The following TRIM25 variants were observed in gnomAD, a reference collection of about 807,000 sequenced individuals.
TRIM25 encodes E3 ubiquitin/ISG15 ligase TRIM25.
In TRIM25, 45 loss-of-function variants were observed where a neutral mutation model predicts 65.2. The ratio of observed to expected loss-of-function variants is 0.69; its 90% confidence interval spans 0.54 to 0.89. The LOEUF is 0.89. Among genes scored for constraint, TRIM25 ranks in the 40% least tolerant of loss-of-function variants. The pLI, the probability that TRIM25 is intolerant of heterozygous loss-of-function variation, is 0.00. For synonymous variants in TRIM25, 321 were observed against 340.4 expected (o/e 0.94, Z 0.63); for missense variants, 714 against 803.7 (o/e 0.89, Z 1.35).
intron 6 of TRIM25, 159 bp downstream of exon 6, chr17:56,895,767 G>C (rs1909280272): frequency 8.5e-7 from 1 of 1,180,988 alleles, no homozygotes; most frequent in Non-Finnish European, 1.2e-6. Flanking sequence ...ACTTATGCTT[G>C]TCCTCCCCTC....
chr17:56,890,630 T>C lies in TRIM25; in HGVS notation c.*1070A>G, dbSNP rs1051159759. ...GCAGCCGCATAGCCTGTCTGCATGA[T>C]AGCAGGCTTCAGGGATCCAGCTTAG... On this transcript the variant is annotated 3_prime_UTR_variant, in exon 9 of 9. Transcript: ENST00000316881. 5 of 456,558 alleles carry C rather than the reference T, an allele frequency of 1.1e-5. No individual in the cohort carries two copies. Among genetic ancestry groups the C allele is most frequent in the African/African-American group, 8.0e-5 (4 of 50,072 alleles). 28.3% of individuals were successfully genotyped at this position (456,558 alleles called of 1,614,324 possible). A position where few individuals can be genotyped will look rare whatever the true frequency, so the allele number is the denominator to read the frequency against.
intron 1 of TRIM25, among the ~76,000 whole-genome samples, chr17:56,910,940 T>C (rs1317250596): frequency 6.6e-6 from 1 of 152,130 alleles, no homozygotes; most frequent in East Asian, 1.9e-4. Flanking sequence ...GGGGTAGGTG[T>C]TGGCAGAGGA....
At chr17:56,896,061 G>C in intron 5 of TRIM25, 109 bp from the exon 6 acceptor site, 1 of 1,214,876 alleles carries the variant, frequency 8.2e-7, no homozygotes, top group Non-Finnish European at 1.2e-6. Context: ...ATAAAAGGAT[G>C]TTTTAATTTG....
chr17:56,897,035 C>A (rs1779868911), intron 5 of TRIM25, among the ~76,000 whole-genome samples: 1 of 152,142 alleles, frequency 6.6e-6, no homozygotes, highest in African/African-American at 2.4e-5. Flanking sequence ...ATCACTTGAG[C>A]CCAGGAGTTC....
chr17:56,904,226 A>C (rs571850566), intron 3 of TRIM25, 29 bp downstream of exon 3: 2 of 1,550,970 alleles, frequency 1.3e-6, no homozygotes, highest in East Asian at 2.3e-5. Context: ...AAAAAAAAAA[A>C]CATTCAACAA....
At chr17:56,908,429 C>T (rs772813778) in intron 2 of TRIM25, 39 bp downstream of exon 2, 12 of 1,603,062 alleles carry the variant, frequency 7.5e-6, no homozygotes, top group Admixed American at 3.3e-5. Context: ...TGAGCGAAGC[C>T]ACAGGGCAGG....
Position 56,913,480 on chromosome 17 carries a change from TC to T in TRIM25, c.508del (p.Glu170SerfsTer22), listed in dbSNP as rs1023932450. ...GATGTGGCAGATGCACTCGCTGTGCTCGGGGCAGAAAAATTCCCGCAGCCGA... is the reference window on the plus strand; with the variant it reads ...GATGTGGCAGATGCACTCGCTGTGCTGGGGCAGAAAAATTCCCGCAGCCGA... Reference protein sequence around the residue: ...HNRLREFFCPEHSECICHICL... With the variant: ...HNRLREFFCPXHSECICHICL... On this transcript the variant is annotated frameshift_variant, in exon 1 of 9. Coordinates refer to ENST00000316881, the MANE Select transcript of TRIM25 (RefSeq NM_005082.5). LOFTEE classifies it high-confidence loss of function. This position sits in a 1 kb window ranked among gnomAD's most constrained non-coding sequence, Gnocchi z 6.1. 6.2e-7 allele frequency: 1 copy of T among 1,613,050 alleles called. No homozygotes were observed. Among genetic ancestry groups the T allele is most frequent in the Non-Finnish European group, 8.5e-7 (1 of 1,179,552 alleles).
Position 56,913,407 on chromosome 17 carries a change from G to C in TRIM25, c.582C>G (p.Ala194=). The C allele has an allele frequency of 6.4e-7, 1 of 1,570,100 alleles. No individual in the cohort carries two copies. The change falls in exon 1 of 9, where the codon GCC becomes GCG. Residue 194 remains alanine (A), a synonymous_variant. Transcript: ENST00000316881. The surrounding 1 kb of genome is among the most constrained non-coding windows in gnomAD (Gnocchi z 6.1). Reference sequence around the variant, plus strand: ...CGTTCCCTACCTCCAGGTCGGCGCTGGCCTGGCTCAGGGACGCGGGAGAGC... The same window carrying C: ...CGTTCCCTACCTCCAGGTCGGCGCTCGCCTGGCTCAGGGACGCGGGAGAGC... ...KTCSPASLSQ[A]SADLEATLRH...
At chr17:56,895,283 C>T in intron 8 of TRIM25, 60 bp downstream of exon 8, 6 of 1,397,380 alleles carry the variant, frequency 4.3e-6, no homozygotes, top group Non-Finnish European at 6.1e-6. Flanking sequence ...GAGAGCTGCA[C>T]AGAGCGGCGC....
In TRIM25 at chr17:56,908,501, C is replaced by G. The variant is rs1330064868; in HGVS notation, c.660G>C (p.Leu220=). 6 of 1,614,044 alleles carry G rather than the reference C, an allele frequency of 3.7e-6. No individual in the cohort carries two copies. The highest frequency in any genetic ancestry group is 5.1e-6 in the Non-Finnish European group (6 of 1,180,040). The change falls in exon 2 of 9, where the codon CTG becomes CTC. Residue 220 remains leucine (L), a synonymous_variant. Coordinates refer to ENST00000316881, the MANE Select transcript of TRIM25 (RefSeq NM_005082.5). The part of the protein sequence containing the change: ...YSQINGASRA[L]DDVRNRQQDV... ...CCTGCTGCCTGTTTCTCACATCATCCAGTGCTCTCGACGCCCCGTTGATCT... is the reference window on the plus strand; with the variant it reads ...CCTGCTGCCTGTTTCTCACATCATCGAGTGCTCTCGACGCCCCGTTGATCT...
At position 56,891,722 on chromosome 17, in the gene TRIM25, AGT is replaced by A. The variant is rs779149070; in HGVS notation, c.1869_1870del (p.Ser625HisfsTer10). On this transcript the variant is annotated frameshift_variant, in exon 9 of 9. Coordinates refer to ENST00000316881, the MANE Select transcript of TRIM25 (RefSeq NM_005082.5). LOFTEE classifies it high-confidence loss of function. ...TGCCTACTTGGGGGAGCAGATGGAG[AGT>A]GTGGCACCAGCAGAAAATACCCAGA... 1 of 1,613,234 alleles carries A rather than the reference AGT, an allele frequency of 6.2e-7. No individual in the cohort carries two copies. Among genetic ancestry groups the A allele is most frequent in the South Asian group, 1.1e-5 (1 of 91,062 alleles).
intron 8 of TRIM25, among the ~76,000 whole-genome samples, chr17:56,892,976 A>C (rs1225209922): frequency 6.6e-6 from 1 of 152,230 alleles, no homozygotes; most frequent in Non-Finnish European, 1.5e-5. Flanking sequence ...GGCAGGCTGG[A>C]ATTGGAGCCA....
rs1909165137 is a variant in TRIM25 at position 56,891,358 on chromosome 17, C to A, written c.*342G>T. On this transcript the variant is annotated 3_prime_UTR_variant, in exon 9 of 9. Transcript: ENST00000316881. The stretch of plus-strand genomic sequence containing the variant: ...TCCAAGTGGCCCAAGACAGAACCTA[C>A]AGTAGCTATGGATTTTCTCTAAGAG... 1.8e-5 allele frequency: 6 copies of A among 342,720 alleles called. No individual in the cohort carries two copies. Among genetic ancestry groups the A allele is most frequent in the Non-Finnish European group, 3.3e-5 (6 of 181,264 alleles). The allele number at this position is 342,720 out of a possible 1,614,324, so 21.2% of individuals were successfully genotyped here. A position where few individuals can be genotyped will look rare whatever the true frequency, so the allele number is the denominator to read the frequency against.
rs1357951309 is a variant in TRIM25 at position 56,889,807 on chromosome 17, G to GA, written c.*1892dup. 2.5e-6 allele frequency: 1 copy of GA among 398,486 alleles called. No individual in the cohort carries two copies. Among genetic ancestry groups the GA allele is most frequent in the Non-Finnish European group, 4.4e-6 (1 of 226,068 alleles). The allele number at this position is 398,486 out of a possible 1,614,324, so 24.7% of individuals were successfully genotyped here. On this transcript the variant is annotated 3_prime_UTR_variant, in exon 9 of 9. Coordinates refer to ENST00000316881, the MANE Select transcript of TRIM25 (RefSeq NM_005082.5). ...GCTTTCGTTTCAGAAAATCAATGAAGATGCTTTTGATCATCTTCAAAAGCA... is the reference window on the plus strand; with the variant it reads ...GCTTTCGTTTCAGAAAATCAATGAAGAATGCTTTTGATCATCTTCAAAAGCA...
chr17:56,908,778 C>T, intron 1 of TRIM25: 1 of 534,942 alleles, frequency 1.9e-6, no homozygotes, highest in Non-Finnish European at 3.4e-6. Context: ...GAGGACAGTA[C>T]AGACCAGGGT....
Position 56,890,365 on chromosome 17 carries a change from C to A in TRIM25, c.*1335G>T, listed in dbSNP as rs1909142434. 2 of 347,662 alleles carry A rather than the reference C, an allele frequency of 5.8e-6. No individual in the cohort carries two copies. The highest frequency in any genetic ancestry group is 2.2e-5 in the African/African-American group (1 of 46,384). 21.5% of individuals were successfully genotyped at this position (347,662 alleles called of 1,614,324 possible). A position where few individuals can be genotyped will look rare whatever the true frequency, so the allele number is the denominator to read the frequency against. On this transcript the variant is annotated 3_prime_UTR_variant, in exon 9 of 9. Coordinates refer to ENST00000316881, the MANE Select transcript of TRIM25 (RefSeq NM_005082.5). ...GCAGGGAAAATAGCCACTTGTGTGA[C>A]CCTCTTTAGCTCTTTCCCTCCCTCC...
At position 56,888,657 on chromosome 17, in the gene TRIM25, C is replaced by G. The variant is rs1053546520; in HGVS notation, c.*3043G>C. 2 of 152,282 alleles carry G rather than the reference C, an allele frequency of 1.3e-5. No homozygotes were observed. The highest frequency in any genetic ancestry group is 2.9e-5 in the Non-Finnish European group (2 of 68,080). 9.4% of individuals were successfully genotyped at this position (152,282 alleles called of 1,614,324 possible). A position where few individuals can be genotyped will look rare whatever the true frequency, so the allele number is the denominator to read the frequency against. On this transcript the variant is annotated 3_prime_UTR_variant, in exon 9 of 9. Transcript: ENST00000316881. ...CTCTCCTGCTTTCCCCTAGCCCCCACAGTTAGACTGTCCCGCAGCAAAGCC... is the reference window on the plus strand; with the variant it reads ...CTCTCCTGCTTTCCCCTAGCCCCCAGAGTTAGACTGTCCCGCAGCAAAGCC...
chr17:56,896,095 A>G, intron 5 of TRIM25, 143 bp from the exon 6 acceptor site: 1 of 899,292 alleles, frequency 1.1e-6, no homozygotes. Flanking sequence ...GTCAGCAGGC[A>G]AAATGAATCT....
At chr17:56,894,042 G>A (rs773488907) in intron 8 of TRIM25, among the ~76,000 whole-genome samples, 3 of 152,102 alleles carry the variant, frequency 2.0e-5, no homozygotes, top group African/African-American at 2.4e-5. Flanking sequence ...CCTGGGCATC[G>A]GGGATTTTAA....
Sources: gnomAD v4.1 joint callset for allele counts (sites outside exome capture counted in the v4.1 genomes callset) on GRCh38, gnomAD v4.1.1 for gene constraint, Gnocchi (gnomAD v3.1) non-coding constraint, MANE v1.5 for transcripts, NCBI Gene and HGNC (gene_info 2026-07-23, HGNC 2026-07-21) for gene names.